The following PLCZ1 variants were observed in gnomAD, a reference collection of about 807,000 sequenced individuals.
The protein encoded by PLCZ1 is 1-phosphatidylinositol 4,5-bisphosphate phosphodiesterase zeta-1.
PLCZ1 carries 64 observed loss-of-function variants against 76.8 expected under a neutral mutation model. That is an observed-to-expected ratio of 0.83 (90% confidence interval 0.68 to 1.03). The LOEUF (loss-of-function observed/expected upper bound fraction) is 1.03, where lower values mean the gene tolerates loss of function less well. PLCZ1 is among the 50% of genes least tolerant of loss of function. The probability of loss-of-function intolerance (pLI) is 0.00; values close to 1 mark genes in which losing one functional copy is unlikely to be tolerated. For synonymous variants in PLCZ1, 248 were observed against 230.8 expected (o/e 1.07, Z -0.68); for missense variants, 751 against 713.7 (o/e 1.05, Z -0.60).
chr12:18,650,718 A>ATTCCAG, the PLCZ1 span, among the ~76,000 whole-genome samples: 1 of 7,108 alleles, frequency 1.4e-4, no homozygotes, highest in African/African-American at 4.5e-4. Context: ...ATATCTATAT[A>ATTCCAG]TATATATATA....
chr12:18,732,526 A>C (rs901597512), intron 3 of PLCZ1, among the ~76,000 whole-genome samples: 1 of 152,148 alleles, frequency 6.6e-6, no homozygotes, highest in South Asian at 2.1e-4. Context: ...AATATGCAAC[A>C]CAATGTTATT....
At chr12:18,730,215 C>T (rs1958966944) in intron 3 of PLCZ1, among the ~76,000 whole-genome samples, 1 of 151,918 alleles carries the variant, frequency 6.6e-6, no homozygotes, top group Admixed American at 6.6e-5. Flanking sequence ...TTTATTTACT[C>T]TGGGAAAAGG....
chr12:18,650,702 GTGTATATATCTATATATATA>G, the PLCZ1 span, among the ~76,000 whole-genome samples: 34 of 27,692 alleles, frequency 1.2e-3, no homozygotes, highest in Admixed American at 2.8e-3. Flanking sequence ...GTGTGTGTGT[GTGTATATATCTATATATATA>G]TATATATATA....
At chr12:18,665,571 T>C in the PLCZ1 span, among the ~76,000 whole-genome samples, 1 of 152,270 alleles carries the variant, frequency 6.6e-6, no homozygotes, top group East Asian at 1.9e-4. Flanking sequence ...GGCAGGCAGA[T>C]CACCTGAGGT....
intron 5 of PLCZ1, chr12:18,713,830 A>G (rs1202126712): frequency 7.9e-5 from 12 of 152,210 alleles, no homozygotes; most frequent in Admixed American, 7.9e-4. Flanking sequence ...TTCTACCTAA[A>G]AAATAAATAT....
At chr12:18,649,352 G>A in the PLCZ1 span, among the ~76,000 whole-genome samples, 1 of 151,978 alleles carries the variant, frequency 6.6e-6, no homozygotes, top group Non-Finnish European at 1.5e-5. Flanking sequence ...TCCCAAACCA[G>A]TCTCCCAATT....
In PLCZ1 at chr12:18,737,366, T is replaced by G; in HGVS notation, c.6A>C (p.Glu2Asp). ...AAGAAGCTCTCAATGGATATCTCAT[T>G]TCCATAGTTTCATGACCTGTAGAGC... MEMRWFLSKIQD... is the reference protein window; with the variant it reads MDMRWFLSKIQD... Residue 2 changes from glutamate to aspartate, a missense_variant, in exon 2 of 15, where the codon GAA (glutamate) becomes GAC (aspartate). By Grantham distance (45) the Glu-to-Asp change is conservative (BLOSUM62 2). Transcript: ENST00000266505. 1 of 1,613,468 alleles carries G rather than the reference T, an allele frequency of 6.2e-7. No individual in the cohort carries two copies. Among genetic ancestry groups the G allele is most frequent in the Non-Finnish European group, 8.5e-7 (1 of 1,179,442 alleles).
At chr12:18,674,036 TGTGA>T in the PLCZ1 span, among the ~76,000 whole-genome samples, 1 of 152,200 alleles carries the variant, frequency 6.6e-6, no homozygotes, top group African/African-American at 2.4e-5. Flanking sequence ...TACACAAAGC[TGTGA>T]GTATCAGGAA....
intron 3 of PLCZ1, among the ~76,000 whole-genome samples, chr12:18,732,061 T>A (rs1170651489): frequency 6.6e-6 from 1 of 152,194 alleles, no homozygotes. Flanking sequence ...GTATACAACT[T>A]GATGAGTTTG....
At chr12:18,695,452 C>G (rs1168375386) in intron 11 of PLCZ1, among the ~76,000 whole-genome samples, 1 of 152,144 alleles carries the variant, frequency 6.6e-6, no homozygotes, top group Non-Finnish European at 1.5e-5. Context: ...CATAAATTTT[C>G]AAGTCCATGA....
intron 12 of PLCZ1, among the ~76,000 whole-genome samples, chr12:18,692,224 C>G (rs1361096482): frequency 6.6e-6 from 1 of 152,086 alleles, no homozygotes; most frequent in Non-Finnish European, 1.5e-5. Context: ...CAGGTAGGAT[C>G]TGAGATGGTT....
the PLCZ1 span, among the ~76,000 whole-genome samples, chr12:18,668,257 A>T: frequency 1.1e-3 from 162 of 152,312 alleles, 2 homozygotes; most frequent in Middle Eastern, 3.4e-3. Context: ...AGAAACACAC[A>T]TCACATTTTC....
intron 6 of PLCZ1, among the ~76,000 whole-genome samples, chr12:18,711,863 A>G (rs1017344249): frequency 6.6e-6 from 1 of 152,092 alleles, no homozygotes; most frequent in African/African-American, 2.4e-5. Context: ...TAGAAACTAC[A>G]TGTTTAGGAG....
Position 18,688,158 on chromosome 12 carries a change from C to T in PLCZ1, c.1522G>A (p.Val508Ile). ...GGAACACCAAAAACTTCTATAATTA[C>T]TAATGAATCACCTTTGTTAGATGAT... ...HSSSNKGDSL[V>I]IIEVFGVPND... Residue 508 changes from valine to isoleucine, a missense_variant, in exon 13 of 15, where the codon GTA becomes ATA. Transcript: ENST00000266505. The T allele has an allele frequency of 6.2e-7, 1 of 1,611,282 alleles. No homozygotes were observed. The highest frequency in any genetic ancestry group is 8.5e-7 in the Non-Finnish European group (1 of 1,178,896).
the PLCZ1 span, among the ~76,000 whole-genome samples, chr12:18,654,351 A>G: frequency 6.6e-6 from 1 of 151,998 alleles, no homozygotes; most frequent in Non-Finnish European, 1.5e-5. Context: ...GAGAGCAGAT[A>G]TAATGATTTC....
In PLCZ1 at chr12:18,733,575, C is replaced by A. The variant is rs565253180; in HGVS notation, c.135+2646G>T. Among the ~76,000 whole-genome samples, 22 of 152,222 alleles carry A rather than the reference C, an allele frequency of 1.4e-4. No individual in the cohort carries two copies. The South Asian group carries it at 4.1e-3, about 29-fold the overall frequency. ...TGTCAAAAAGCTTTTTTCCTATTTT[C>A]TTCTATGAGTTTCATAGTTTCAGGT... On this transcript the variant is annotated intron_variant, in intron 3 of 14. Transcript: ENST00000266505.
Position 18,699,817 on chromosome 12 carries a change from GC to G in PLCZ1, c.1150del (p.Ala384ProfsTer43), listed in dbSNP as rs1364755009. 1 of 1,613,174 alleles carries G rather than the reference GC, an allele frequency of 6.2e-7. No individual in the cohort carries two copies. The highest frequency in any genetic ancestry group is 2.2e-5 in the East Asian group (1 of 44,772). On this transcript the variant is annotated frameshift_variant, in exon 10 of 15. Coordinates refer to ENST00000266505, the MANE Select transcript of PLCZ1 (RefSeq NM_033123.4). LOFTEE classifies it high-confidence loss of function. The part of the protein sequence containing the change: ...NENNSIGETQ[A>X]RKLSKLRVHE... ...ACCTCGCAATTTTGAAAGTTTTCGG[GC>G]TTGTGTCTCCCCAATAGAATTATTT...
At chr12:18,723,583 A>C (rs774344001) in intron 3 of PLCZ1, 41 bp from the exon 4 acceptor site, 16 of 1,406,504 alleles carry the variant, frequency 1.1e-5, no homozygotes, top group Non-Finnish European at 1.5e-5. Context: ...TGTGAGTATA[A>C]AAAATACATA....
chr12:18,650,734 A>G, the PLCZ1 span, among the ~76,000 whole-genome samples: 23 of 28,114 alleles, frequency 8.2e-4, no homozygotes, highest in African/African-American at 4.6e-3. Flanking sequence ...ATATATATAT[A>G]TATATATATA....
Sources: allele counts gnomAD v4.1 joint callset (sites outside exome capture counted in the v4.1 genomes callset), GRCh38; gene constraint gnomAD v4.1.1; transcripts MANE v1.5; gene names NCBI Gene and HGNC (gene_info 2026-07-23, HGNC 2026-07-21).